STARD13: variants seen among roughly 807,000 people sequenced by gnomAD.
STARD13 encodes the protein StAR related lipid transfer domain containing 13, also known as stAR-related lipid transfer protein 13.
In STARD13, 62 loss-of-function variants were observed where a neutral mutation model predicts 106.4. The observed-to-expected ratio is 0.58, with a 90% CI of 0.48 to 0.72. The LOEUF (loss-of-function observed/expected upper bound fraction) is 0.72. Among genes scored for constraint, STARD13 ranks in the 30% least tolerant of loss-of-function variants. The pLI is 0.00. For synonymous variants in STARD13, 565 were observed against 553.0 expected (o/e 1.02, Z -0.31); for missense variants, 1,387 against 1,424.0 (o/e 0.97, Z 0.42).
the STARD13 span, among the ~76,000 whole-genome samples, chr13:33,584,413 G>A: frequency 4.0e-5 from 6 of 151,866 alleles, no homozygotes; most frequent in Non-Finnish European, 8.8e-5. Flanking sequence ...TTAAACAGCT[G>A]AATCTCATGA....
chr13:33,446,074 T>C, the STARD13 span, among the ~76,000 whole-genome samples: 1 of 150,516 alleles, frequency 6.6e-6, no homozygotes, highest in East Asian at 1.9e-4. Context: ...AGCATTGTAA[T>C]CTGTAATTGC....
At chr13:33,181,302 A>G (rs570454147) in intron 1 of STARD13, among the ~76,000 whole-genome samples, 1 of 152,152 alleles carries the variant, frequency 6.6e-6, no homozygotes, top group South Asian at 2.1e-4. Context: ...ACACATATTC[A>G]TGCACATGGA....
chr13:33,511,020 C>T, the STARD13 span, among the ~76,000 whole-genome samples: 1 of 151,752 alleles, frequency 6.6e-6, no homozygotes, highest in Admixed American at 6.6e-5. Context: ...TGTTTAAAAG[C>T]TGATGTTGGC....
chr13:33,550,766 A>G, the STARD13 span, among the ~76,000 whole-genome samples: 1 of 152,232 alleles, frequency 6.6e-6, no homozygotes, highest in Admixed American at 6.5e-5. Flanking sequence ...TTCTTTCAAT[A>G]CATATTCAAG....
chr13:33,488,824 T>C, the STARD13 span, among the ~76,000 whole-genome samples: 1 of 152,248 alleles, frequency 6.6e-6, no homozygotes, highest in Non-Finnish European at 1.5e-5. Flanking sequence ...CTCTTTATGC[T>C]GTGATCATAT....
chr13:33,492,199 A>T, the STARD13 span, among the ~76,000 whole-genome samples: 5 of 152,116 alleles, frequency 3.3e-5, no homozygotes, highest in Admixed American at 3.3e-4. Flanking sequence ...GGCCATCTGG[A>T]TGTATATGTG....
chr13:33,499,601 TTCTTTCTTCTTCTTC>T, the STARD13 span, among the ~76,000 whole-genome samples: 6 of 65,252 alleles, frequency 9.2e-5, no homozygotes, highest in Non-Finnish European at 1.8e-4. Context: ...CTTCTTCTTC[TTCTTTCTTCTTCTTC>T]TTCTTCTTCT....
intron 1 of STARD13, among the ~76,000 whole-genome samples, chr13:33,337,869 T>C (rs1440179376): frequency 6.6e-6 from 1 of 152,168 alleles, no homozygotes; most frequent in African/African-American, 2.4e-5. Flanking sequence ...CATTCAATAA[T>C]TATTAGGAAT....
chr13:33,488,631 T>C, the STARD13 span, among the ~76,000 whole-genome samples: 1 of 152,236 alleles, frequency 6.6e-6, no homozygotes, highest in South Asian at 2.1e-4. Context: ...AATTCTATGC[T>C]TTTTCTTCTA....
At chr13:33,260,129 G>GTCC (rs1268462168) in intron 1 of STARD13, among the ~76,000 whole-genome samples, 1 of 152,138 alleles carries the variant, frequency 6.6e-6, no homozygotes, top group East Asian at 1.9e-4. Context: ...TAGATAACTG[G>GTCC]TCCATGGTCA....
chr13:33,601,207 T>A, the STARD13 span, among the ~76,000 whole-genome samples: 2 of 151,782 alleles, frequency 1.3e-5, no homozygotes, highest in African/African-American at 2.4e-5. Flanking sequence ...TTTCAAAAAA[T>A]GTTTTTGTTT....
chr13:33,312,384 GT>G (rs549366486), intron 1 of STARD13, among the ~76,000 whole-genome samples: 10 of 152,120 alleles, frequency 6.6e-5, no homozygotes, highest in Non-Finnish European at 1.3e-4. Flanking sequence ...TGTCAGGGGT[GT>G]TTTGTGCCTA....
the STARD13 span, among the ~76,000 whole-genome samples, chr13:33,637,534 G>A: frequency 9.9e-5 from 15 of 152,226 alleles, no homozygotes; most frequent in East Asian, 2.9e-3. Flanking sequence ...GGAAAGATCT[G>A]GAATATCAAT....
the STARD13 span, among the ~76,000 whole-genome samples, chr13:33,642,361 A>T: frequency 6.6e-6 from 1 of 152,246 alleles, no homozygotes; most frequent in Non-Finnish European, 1.5e-5. Flanking sequence ...ATGCTTGAGA[A>T]GTTTCAAGAC....
At chr13:33,551,568 CCTTTTTTTTTTTTTTTTTTTTTTTTTTT>C in the STARD13 span, among the ~76,000 whole-genome samples, 305 of 44,794 alleles carry the variant, frequency 6.8e-3, 19 homozygotes, top group African/African-American at 0.017. Context: ...TTTGCTTTTC[CCTTTTTTTTTTTTTTTTTTTTTTTTTTT>C]TTTTTTTTTT....
intron 1 of STARD13, among the ~76,000 whole-genome samples, chr13:33,294,425 T>C (rs1892411858): frequency 6.6e-6 from 1 of 152,228 alleles, no homozygotes; most frequent in Non-Finnish European, 1.5e-5. Context: ...GTCTATGACC[T>C]TCCTCTGATG....
Position 33,129,183 on chromosome 13 carries a change from C to T in STARD13, c.1494G>A (p.Glu498=), listed in dbSNP as rs776836438. ...CATCTTTGGACCAGTCATCGACTAC[C>T]TCTTGGAGCCCATTGACATGCTGCA... ...DILQHVNGLQ[E]VVDDWSKDVL... The change falls in exon 5 of 14, where the codon GAG becomes GAA. Residue 498 remains glutamate (E), a synonymous_variant. Coordinates refer to ENST00000336934, the MANE Select transcript of STARD13 (RefSeq NM_178006.4). The T allele has an allele frequency of 5.6e-6, 9 of 1,614,090 alleles. No homozygotes were observed. The Middle Eastern group carries it at 6.6e-4, about 118-fold the overall frequency.
At chr13:33,266,090 C>A (rs568714358) in intron 1 of STARD13, among the ~76,000 whole-genome samples, 81 of 152,310 alleles carry the variant, frequency 5.3e-4, no homozygotes, top group African/African-American at 1.9e-3. Context: ...GCAGAAGCAA[C>A]AACCACTCTA....
the STARD13 span, among the ~76,000 whole-genome samples, chr13:33,443,872 G>A: frequency 1.5e-5 from 2 of 131,238 alleles, no homozygotes; most frequent in Non-Finnish European, 3.1e-5. Context: ...CTGGGCAACA[G>A]AGCGAGACTC....
Sources: allele counts gnomAD v4.1 joint callset (sites outside exome capture counted in the v4.1 genomes callset), GRCh38; gene constraint gnomAD v4.1.1; transcripts MANE v1.5; gene names NCBI Gene and HGNC (gene_info 2026-07-23, HGNC 2026-07-21).